ADCY2: variants seen among roughly 807,000 people sequenced by gnomAD.
The protein encoded by ADCY2 is adenylate cyclase type 2.
A neutral mutation model predicts 125.2 loss-of-function variants in ADCY2; 31 were observed. That is an observed-to-expected ratio of 0.25 (90% CI 0.19 to 0.33). ADCY2 has a LOEUF of 0.33. ADCY2 is among the 10% of genes least tolerant of loss of function. The probability of loss-of-function intolerance (pLI) is 1.00; values close to 1 mark genes in which losing one functional copy is unlikely to be tolerated. For missense variants in ADCY2, 904 were observed against 1,418.2 expected, an observed-to-expected ratio of 0.64 and a Z score of 5.82; for synonymous variants, 512 against 548.4, an observed-to-expected ratio of 0.93 and a Z score of 0.93.
rs149825776 is a variant in ADCY2, at chr5:7,540,513, G to T, written c.570+19614G>T. On this transcript the variant is annotated intron_variant, in intron 3 of 24. Transcript: ENST00000338316. Reference sequence around the variant, plus strand: ...AACATCCTCTGCTGGATTTTAAGCAGATGCTTCGGATTTCATGAAGCACAT... The same window carrying T: ...AACATCCTCTGCTGGATTTTAAGCATATGCTTCGGATTTCATGAAGCACAT... Among the ~76,000 whole-genome samples, 6 of 152,286 alleles carry T rather than the reference G, an allele frequency of 3.9e-5. No individual in the cohort carries two copies. In the East Asian group the frequency reaches 9.7e-4, roughly 25 times the overall value.
At chr5:7,772,373 G>T (rs923135708) in intron 17 of ADCY2, among the ~76,000 whole-genome samples, 1 of 152,124 alleles carries the variant, frequency 6.6e-6, no homozygotes, top group African/African-American at 2.4e-5. Context: ...CTCCCGGGGG[G>T]ATTCATGACT....
chr5:7,677,142 G>A (rs932804680), intron 4 of ADCY2, among the ~76,000 whole-genome samples: 1 of 152,058 alleles, frequency 6.6e-6, no homozygotes, highest in South Asian at 2.1e-4. Context: ...GCAGGACTTG[G>A]TGGCACGGGC....
chr5:7,555,777 T>A (rs1030515186), intron 3 of ADCY2, among the ~76,000 whole-genome samples: 1 of 151,998 alleles, frequency 6.6e-6, no homozygotes, highest in Non-Finnish European at 1.5e-5. Context: ...TATGTTTTCA[T>A]AATGAGACTT....
intron 3 of ADCY2, among the ~76,000 whole-genome samples, chr5:7,617,865 T>C (rs971784301): frequency 1.3e-5 from 2 of 152,208 alleles, no homozygotes; most frequent in African/African-American, 4.8e-5. Flanking sequence ...GCATGCTCTT[T>C]CCTAATGAAT....
chr5:7,525,375 C>T (rs1003176878), intron 3 of ADCY2, among the ~76,000 whole-genome samples: 1 of 152,134 alleles, frequency 6.6e-6, no homozygotes, highest in Admixed American at 6.5e-5. Context: ...TCAAGCTGGC[C>T]TCTGTGTCCT....
At chr5:7,478,304 A>T (rs1014660544) in intron 2 of ADCY2, among the ~76,000 whole-genome samples, 1 of 152,184 alleles carries the variant, frequency 6.6e-6, no homozygotes, top group Non-Finnish European at 1.5e-5. Context: ...CAAACATGTA[A>T]ACTAATGTGG....
In ADCY2 at chr5:7,548,309, T is replaced by C. The variant is rs190411624; in HGVS notation, c.570+27410T>C. The stretch of plus-strand genomic sequence containing the variant: ...AAGGGTCTACTTTGTAAATATATTT[T>C]TATATATTACTATAGTATAGATAAT... On this transcript the variant is annotated intron_variant, in intron 3 of 24. Coordinates refer to ENST00000338316, the MANE Select transcript of ADCY2 (RefSeq NM_020546.3). Among the ~76,000 whole-genome samples, 613 of 152,006 alleles carry C rather than the reference T, an allele frequency of 4.0e-3. 3 individuals carry two copies. The highest frequency in any genetic ancestry group is 6.0e-3 in the Non-Finnish European group (409 of 67,980).
intron 2 of ADCY2, among the ~76,000 whole-genome samples, chr5:7,479,715 T>C (rs1742657951): frequency 6.6e-6 from 1 of 152,126 alleles, no homozygotes; most frequent in African/African-American, 2.4e-5. Flanking sequence ...TTGTACCCAT[T>C]ATCCATACCC....
At chr5:7,711,889 T>C (rs866798613) in intron 10 of ADCY2, among the ~76,000 whole-genome samples, 8 of 152,218 alleles carry the variant, frequency 5.3e-5, no homozygotes, top group Admixed American at 1.3e-4. Flanking sequence ...CAAACCACTT[T>C]GACTTAACTG....
chr5:7,579,883 A>C (rs977986791), intron 3 of ADCY2, among the ~76,000 whole-genome samples: 1 of 152,226 alleles, frequency 6.6e-6, no homozygotes, highest in East Asian at 1.9e-4. Context: ...CCAGCATTGG[A>C]TTGGACAAAG....
chr5:7,488,450 C>T (rs1743026817), intron 2 of ADCY2, among the ~76,000 whole-genome samples: 1 of 152,072 alleles, frequency 6.6e-6, no homozygotes, highest in African/African-American at 2.4e-5. Flanking sequence ...TCACTGACTC[C>T]CTCCATCCCT....
intron 3 of ADCY2, among the ~76,000 whole-genome samples, chr5:7,535,543 G>A (rs1734786797): frequency 6.6e-6 from 1 of 152,180 alleles, no homozygotes; most frequent in African/African-American, 2.4e-5. Context: ...AAGTAGCTGA[G>A]TTAGTGGCAT....
intron 2 of ADCY2, among the ~76,000 whole-genome samples, chr5:7,440,323 G>A (rs1740965016): frequency 6.6e-6 from 1 of 152,200 alleles, no homozygotes; most frequent in Admixed American, 6.5e-5. Context: ...CAGGGAGCTA[G>A]ATGATTCACT....
chr5:7,821,805 G>A (rs1321861962), intron 24 of ADCY2, among the ~76,000 whole-genome samples: 1 of 152,216 alleles, frequency 6.6e-6, no homozygotes, highest in Non-Finnish European at 1.5e-5. Context: ...TTTCAGATGT[G>A]AAGTGAGCTG....
At chr5:7,736,167 C>G (rs1742245872) in intron 14 of ADCY2, among the ~76,000 whole-genome samples, 2 of 152,132 alleles carry the variant, frequency 1.3e-5, no homozygotes, top group Non-Finnish European at 2.9e-5. Context: ...CTGCAGTTAG[C>G]TGTGATTGCA....
At chr5:7,711,156 A>G (rs550869386) in intron 10 of ADCY2, among the ~76,000 whole-genome samples, 1 of 152,336 alleles carries the variant, frequency 6.6e-6, no homozygotes, top group South Asian at 2.1e-4. Flanking sequence ...GAACGTGATC[A>G]GGTTGTAGAT....
chr5:7,487,646 G>T (rs1442825168), intron 2 of ADCY2, among the ~76,000 whole-genome samples: 2 of 152,098 alleles, frequency 1.3e-5, no homozygotes, highest in Non-Finnish European at 1.5e-5. Context: ...TTGTTCAGTG[G>T]CAAAGCACTT....
At chr5:7,502,004 T>A (rs1184643542) in intron 2 of ADCY2, among the ~76,000 whole-genome samples, 1 of 152,060 alleles carries the variant, frequency 6.6e-6, no homozygotes, top group Non-Finnish European at 1.5e-5. Flanking sequence ...ACATGGCTGA[T>A]CTACCTGGGA....
intron 3 of ADCY2, among the ~76,000 whole-genome samples, chr5:7,623,187 T>G (rs1344451073): frequency 6.6e-6 from 1 of 152,248 alleles, no homozygotes; most frequent in Non-Finnish European, 1.5e-5. Context: ...GGTTTTTATT[T>G]TGGAGAAATG....
Sources: gnomAD v4.1 joint callset for allele counts (sites outside exome capture counted in the v4.1 genomes callset) on GRCh38, gnomAD v4.1.1 for gene constraint, MANE v1.5 for transcripts, NCBI Gene and HGNC (gene_info 2026-07-23, HGNC 2026-07-21) for gene names.